ZNF737: variants seen among roughly 807,000 people sequenced by gnomAD.
The protein encoded by ZNF737 is zinc finger protein 102 (Y3).
In ZNF737, 13 loss-of-function variants were observed where a neutral mutation model predicts 11.7. That is an observed-to-expected ratio of 1.11 (90% CI 0.73 to 1.77). The LOEUF is 1.77. Ranked by LOEUF, ZNF737 falls within the 40% of genes most tolerant of loss-of-function variation. ZNF737 has a pLI of 0.00. For synonymous variants in ZNF737, 217 were observed against 216.2 expected (o/e 1.00, Z -0.03); for missense variants, 636 against 638.0 (o/e 1.00, Z 0.03).
chr19:20,550,816 G>C (rs1404053647), intron 3 of ZNF737, among the ~76,000 whole-genome samples: 3 of 152,230 alleles, frequency 2.0e-5, no homozygotes, highest in Non-Finnish European at 2.9e-5. Flanking sequence ...GTAAGGTTGA[G>C]AAGTGTTCTA....
At chr19:20,533,375 AAT>A (rs1269153761), downstream of ZNF737, among the ~76,000 whole-genome samples, 3 of 149,950 alleles carry the variant, frequency 2.0e-5, no homozygotes, top group African/African-American at 4.9e-5. Context: ...ATTCTGTATG[AAT>A]ATATATAAAG....
chr19:20,535,882 G>T, downstream of ZNF737: 8 of 158,092 alleles, frequency 5.1e-5, no homozygotes, highest in Non-Finnish European at 1.1e-4. Flanking sequence ...TAAACTCATA[G>T]AAGCAGATGG....
At chr19:20,552,804 G>A (rs1312564389) in intron 2 of ZNF737, among the ~76,000 whole-genome samples, 3 of 152,176 alleles carry the variant, frequency 2.0e-5, no homozygotes, top group African/African-American at 4.8e-5. Context: ...ACGAGGTCAT[G>A]AGTTAGAGAC....
Position 20,541,521 on chromosome 19 carries a change from A to C in ZNF737, c.*3071T>G. 9.8e-6 allele frequency: 5 copies of C among 509,526 alleles called. No individual in the cohort carries two copies. Among genetic ancestry groups the C allele is most frequent in the African/African-American group, 2.1e-5 (1 of 48,112 alleles). The allele number at this position is 509,526 out of a possible 1,614,324, so 31.6% of individuals were successfully genotyped here. A position where few individuals can be genotyped will look rare whatever the true frequency, so the allele number is the denominator to read the frequency against. ...GAGTGCAGTGGCATGATCTCAGCTC[A>C]CTGCAACCTCTGCCTCCTGGGCTCA... On this transcript the variant is annotated 3_prime_UTR_variant, in exon 4 of 4. Transcript: ENST00000427401.
In ZNF737 at chr19:20,542,232, ACT is replaced by A. The variant is rs1491427448; in HGVS notation, c.*2358_*2359del. On this transcript the variant is annotated 3_prime_UTR_variant, in exon 4 of 4. Coordinates refer to ENST00000427401, the MANE Select transcript of ZNF737 (RefSeq NM_001159293.2). ...ATTAAGTTCACAAATAATCTAACAA[ACT>A]TTTTTTTTTTTGAGACAGAGTTTTG... The A allele has an allele frequency of 3.1e-6, 3 of 960,546 alleles. No homozygotes were observed. The highest frequency in any genetic ancestry group is 3.7e-6 in the Non-Finnish European group (3 of 811,696). The allele number at this position is 960,546 out of a possible 1,614,324, so 59.5% of individuals were successfully genotyped here. A position where few individuals can be genotyped will look rare whatever the true frequency, so the allele number is the denominator to read the frequency against.
In ZNF737 at chr19:20,544,731, T is replaced by C. The variant is rs1555756026; in HGVS notation, c.1472A>G (p.Lys491Arg). 6.2e-7 allele frequency: 1 copy of C among 1,606,688 alleles called. No individual in the cohort carries two copies. The highest frequency in any genetic ancestry group is 1.4e-5 in the African/African-American group (1 of 73,270). The change falls in exon 4 of 4, where the codon AAG becomes AGG. Residue 491 changes from lysine to arginine, a missense_variant. Transcript: ENST00000427401. Reference sequence around the variant, plus strand: ...ATGTCTAGTAAGGATAAAGGAGCGCTTAAAAGCCTTGCCACATCGTTCACA... The same window carrying C: ...ATGTCTAGTAAGGATAAAGGAGCGCCTAAAAGCCTTGCCACATCGTTCACA... ...YKCERCGKAFKRSFILTRHKR... is the reference protein window; with the variant it reads ...YKCERCGKAFRRSFILTRHKR...
downstream of ZNF737, chr19:20,537,946 C>G: frequency 3.9e-6 from 2 of 507,678 alleles, no homozygotes; most frequent in Non-Finnish European, 5.1e-6. Context: ...GAACTCAAAT[C>G]AAGTACTATA....
chr19:20,542,653 T>C lies in ZNF737; in HGVS notation c.*1939A>G. 1.0e-6 allele frequency: 1 copy of C among 981,532 alleles called. No homozygotes were observed. The highest frequency in any genetic ancestry group is 1.2e-6 in the Non-Finnish European group (1 of 826,408). The allele number at this position is 981,532 out of a possible 1,614,324, so 60.8% of individuals were successfully genotyped here. On this transcript the variant is annotated 3_prime_UTR_variant, in exon 4 of 4. Coordinates refer to ENST00000427401, the MANE Select transcript of ZNF737 (RefSeq NM_001159293.2). ...GTGTCACTATAATAAAGTATTGCTC[T>C]GAACATTTACGTTATACATTACTTA... is the stretch of plus-strand genomic sequence containing the variant.
chr19:20,565,674 C>T lies in ZNF737; in HGVS notation c.-34G>A. 6.2e-7 allele frequency: 1 copy of T among 1,614,160 alleles called. No individual in the cohort carries two copies. The highest frequency in any genetic ancestry group is 8.5e-7 in the Non-Finnish European group (1 of 1,180,024). On this transcript the variant is annotated 5_prime_UTR_variant, in exon 1 of 4. Coordinates refer to ENST00000427401, the MANE Select transcript of ZNF737 (RefSeq NM_001159293.2). The stretch of plus-strand genomic sequence containing the variant: ...TTCCAGGGGCTCCCGGGCGTCTTAG[C>T]TGTGGATCTCCCAATACCTGCAGGA...
rs1968177477 is a variant in ZNF737, at chr19:20,540,903, T to C, written c.*3689A>G. 9 of 965,780 alleles carry C rather than the reference T, an allele frequency of 9.3e-6. No homozygotes were observed. The highest frequency in any genetic ancestry group is 6.1e-5 in the Admixed American group (1 of 16,266). 59.8% of individuals were successfully genotyped at this position (965,780 alleles called of 1,614,324 possible). A position where few individuals can be genotyped will look rare whatever the true frequency, so the allele number is the denominator to read the frequency against. On this transcript the variant is annotated 3_prime_UTR_variant, in exon 4 of 4. Transcript: ENST00000427401. ...TAAATTATTTTTTATGCACCATTTA[T>C]ACATTCACACACACATAGAACAATA...
downstream of ZNF737, among the ~76,000 whole-genome samples, chr19:20,537,097 T>C (rs1265703842): frequency 6.6e-6 from 1 of 152,112 alleles, no homozygotes; most frequent in Admixed American, 6.6e-5. Context: ...AGCGAGACTC[T>C]GTCTCAAAAA....
At position 20,544,505 on chromosome 19, in the gene ZNF737, C is replaced by A. The variant is rs990745607; in HGVS notation, c.*87G>T. 2 of 1,539,806 alleles carry A rather than the reference C, an allele frequency of 1.3e-6. No individual in the cohort carries two copies. Among genetic ancestry groups the A allele is most frequent in the Non-Finnish European group, 1.7e-6 (2 of 1,150,054 alleles). On this transcript the variant is annotated 3_prime_UTR_variant, in exon 4 of 4. Coordinates refer to ENST00000427401, the MANE Select transcript of ZNF737 (RefSeq NM_001159293.2). ...AATAAAGGCTTTGCCACATTTATCA[C>A]ACTTGTACAGTTTCCCTCCAATATG...
At chr19:20,554,434 G>GA (rs1217060174) in intron 1 of ZNF737, among the ~76,000 whole-genome samples, 2 of 152,066 alleles carry the variant, frequency 1.3e-5, no homozygotes, top group Non-Finnish European at 2.9e-5. Context: ...AAAAAATTAA[G>GA]AAAAAAGGAC....
Position 20,545,236 on chromosome 19 carries a change from T to G in ZNF737, c.967A>C (p.Lys323Gln), listed in dbSNP as rs1555756552. The change falls in exon 4 of 4, where the codon AAG becomes CAG. Residue 323 changes from lysine to glutamine, a missense_variant. By Grantham distance (53) the Lys-to-Gln change is moderately conservative. Transcript: ENST00000427401. ...YKCEECGKAF[K>Q]HPSVLTTHKR... is the part of the protein sequence containing the mutation. The stretch of plus-strand genomic sequence containing the variant: ...TGTGTAGTAAGGACAGAGGGGTGCT[T>G]AAAGGCTTTGCCACATTCTTCACAT... The G allele has an allele frequency of 6.2e-7, 1 of 1,613,912 alleles. No individual in the cohort carries two copies. The highest frequency in any genetic ancestry group is 1.1e-5 in the South Asian group (1 of 91,048).
chr19:20,544,811 C>A lies in ZNF737; in HGVS notation c.1392G>T (p.Ser464=), dbSNP rs143567096. The A allele has an allele frequency of 2.5e-6, 4 of 1,598,126 alleles. No individual in the cohort carries two copies. Among genetic ancestry groups the A allele is most frequent in the Non-Finnish European group, 2.6e-6 (3 of 1,174,044 alleles). ...KCEECGKAFN[S]SSHLTAHKRI... is the part of the protein sequence containing the mutation. ...TCTTATGTGCAGTAAGGTGTGAGGA[C>A]GAGTTGAAGGCTTTGCCACATTCTT... Residue 464 remains serine, a synonymous_variant, in exon 4 of 4, where the codon TCG becomes TCT. Coordinates refer to ENST00000427401, the MANE Select transcript of ZNF737 (RefSeq NM_001159293.2).
At chr19:20,558,010 A>G (rs1259407538) in intron 1 of ZNF737, among the ~76,000 whole-genome samples, 1 of 152,062 alleles carries the variant, frequency 6.6e-6, no homozygotes, top group Admixed American at 6.6e-5. Flanking sequence ...GATGCCCATA[A>G]TCCCAGCACT....
At position 20,565,750 on chromosome 19, in the gene ZNF737, A is replaced by T; in HGVS notation, c.-110T>A. On this transcript the variant is annotated 5_prime_UTR_variant, in exon 1 of 4. Transcript: ENST00000427401. ...TAGGAGCAGAGGACACACAGCAGTGAAGACAAGACCTGGAGCTCCGGCTGC... is the reference window on the plus strand; with the variant it reads ...TAGGAGCAGAGGACACACAGCAGTGTAGACAAGACCTGGAGCTCCGGCTGC... 1 of 1,545,668 alleles carries T rather than the reference A, an allele frequency of 6.5e-7. No individual in the cohort carries two copies. The highest frequency in any genetic ancestry group is 8.9e-7 in the Non-Finnish European group (1 of 1,117,938).
At chr19:20,557,186 A>G (rs1329148526) in intron 1 of ZNF737, among the ~76,000 whole-genome samples, 3 of 152,220 alleles carry the variant, frequency 2.0e-5, no homozygotes, top group Admixed American at 6.5e-5. Flanking sequence ...TGGTTTTAAT[A>G]GAAGATTAAA....
intron 1 of ZNF737, among the ~76,000 whole-genome samples, chr19:20,562,238 A>G (rs1969124123): frequency 6.6e-6 from 1 of 151,966 alleles, no homozygotes; most frequent in South Asian, 2.1e-4. Flanking sequence ...CAGTGGAGCA[A>G]TCTCAGCTCA....
Sources: gnomAD v4.1 joint callset for allele counts (sites outside exome capture counted in the v4.1 genomes callset) on GRCh38, gnomAD v4.1.1 for gene constraint, MANE v1.5 for transcripts, NCBI Gene and HGNC (gene_info 2026-07-23, HGNC 2026-07-21) for gene names.